LRRCC1: variants seen among roughly 807,000 people sequenced by gnomAD.
LRRCC1 encodes the protein leucine-rich repeat and coiled-coil domain-containing protein 1.
A neutral mutation model predicts 126.0 loss-of-function variants in LRRCC1; 115 were observed. The ratio of observed to expected loss-of-function variants is 0.91; its 90% CI spans 0.78 to 1.07. LRRCC1 has a LOEUF of 1.07. Ranked by LOEUF, LRRCC1 falls within the 50% of genes least tolerant of loss-of-function variation. LRRCC1 has a pLI of 0.00. For synonymous variants in LRRCC1, 400 were observed against 393.4 expected, an observed-to-expected ratio of 1.02 and a Z score of -0.20; for missense variants, 1,172 against 1,175.7, an observed-to-expected ratio of 1.00 and a Z score of 0.05.
chr8:85,143,524 G>C (rs749687188), intron 18 of LRRCC1, among the ~76,000 whole-genome samples: 4 of 151,648 alleles, frequency 2.6e-5, no homozygotes, highest in Non-Finnish European at 4.4e-5. Flanking sequence ...CTGTAGACCT[G>C]TCTCCTCAGG....
rs372145100 is a variant in LRRCC1 at position 85,123,562 on chromosome 8, T to C, written c.1080T>C (p.Ile360=). The change falls in exon 7 of 19, where the codon ATT becomes ATC. Residue 360 remains isoleucine (I), a synonymous_variant. Transcript: ENST00000360375. ...RSKIPYDAKT[I]QTIKHHNKNY... Reference sequence around the variant, plus strand: ...AAATCCCTTATGATGCCAAAACCATTCAAACTATTAAGCACCACAATAAAA... The same window carrying C: ...AAATCCCTTATGATGCCAAAACCATCCAAACTATTAAGCACCACAATAAAA... 2.9e-4 allele frequency: 459 copies of C among 1,602,432 alleles called. 6 individuals are homozygous for C. In the South Asian group the frequency reaches 4.9e-3, roughly 17 times the overall value.
At chr8:85,110,275 T>C in intron 3 of LRRCC1, 95 bp downstream of exon 3, 1 of 526,780 alleles carries the variant, frequency 1.9e-6, no homozygotes, top group Non-Finnish European at 3.3e-6. Flanking sequence ...TCTCTGAATA[T>C]TAATCTAATT....
intron 14 of LRRCC1, among the ~76,000 whole-genome samples, chr8:85,136,517 C>A (rs1355426920): frequency 6.6e-6 from 1 of 151,542 alleles, no homozygotes; most frequent in Non-Finnish European, 1.5e-5. Context: ...TCAGGTGATC[C>A]GCCCACCTTG....
intron 8 of LRRCC1, among the ~76,000 whole-genome samples, chr8:85,125,933 C>T (rs547126435): frequency 6.6e-6 from 1 of 152,234 alleles, no homozygotes; most frequent in East Asian, 1.9e-4. Flanking sequence ...GGACACACTT[C>T]ATCTTTCTTC....
intron 1 of LRRCC1, 100 bp downstream of exon 1, chr8:85,107,499 T>C: frequency 2.9e-6 from 3 of 1,026,026 alleles, no homozygotes; most frequent in Non-Finnish European, 4.3e-6. Context: ...GGCACTGCTT[T>C]ACCAAGACCA....
intron 6 of LRRCC1, among the ~76,000 whole-genome samples, chr8:85,116,522 G>A (rs1809139514): frequency 1.3e-5 from 2 of 151,988 alleles, no homozygotes; most frequent in African/African-American, 4.8e-5. Flanking sequence ...ACAGGCACAT[G>A]CCACTGTGCC....
chr8:85,129,998 G>A lies in LRRCC1; in HGVS notation c.1706G>A (p.Arg569Gln), dbSNP rs369833810. 16 of 1,601,208 alleles carry A rather than the reference G, an allele frequency of 1.0e-5. No homozygotes were observed. Among genetic ancestry groups the A allele is most frequent in the Middle Eastern group, 1.7e-4 (1 of 6,050 alleles). The change falls in exon 11 of 19, where the codon CGA (arginine) becomes CAA (glutamine). Residue 569 changes from arginine to glutamine, a missense_variant. Physicochemically the swap from Arg to Gln is conservative, Grantham distance 43. Coordinates refer to ENST00000360375, the MANE Select transcript of LRRCC1 (RefSeq NM_033402.5). ...TACTTACTTAGAACTTCCCTTCATC[G>A]AGAAAGAGAACAAGCGCAACAACTT... ...EIYLLRTSLH[R>Q]EREQAQQLHQ...
chr8:85,123,636 C>A, intron 7 of LRRCC1, 30 bp downstream of exon 7: 3 of 1,473,656 alleles, frequency 2.0e-6, no homozygotes, highest in Non-Finnish European at 2.8e-6. Flanking sequence ...AAATTTAAGG[C>A]ACACAGAAGT....
chr8:85,135,016 C>G lies in LRRCC1; in HGVS notation c.2138C>G (p.Thr713Arg). 6.5e-7 allele frequency: 1 copy of G among 1,538,968 alleles called. No individual in the cohort carries two copies. The highest frequency in any genetic ancestry group is 8.7e-7 in the Non-Finnish European group (1 of 1,153,368). The change falls in exon 13 of 19, where the codon ACA becomes AGA. Residue 713 changes from threonine to arginine, a missense_variant. Coordinates refer to ENST00000360375, the MANE Select transcript of LRRCC1 (RefSeq NM_033402.5). ...GAAGTTTCTAAATTGAAACAAGAAA[C>G]AGCAGCAAATTTACAGGTAAGACTT... Reference protein sequence around the residue: ...LAEVSKLKQETAANLQNQINT... With the variant: ...LAEVSKLKQERAANLQNQINT...
chr8:85,124,941 T>A lies in LRRCC1; in HGVS notation c.1272+2T>A, dbSNP rs1809855969. On this transcript the variant is annotated splice_donor_variant, in intron 8 of 18. Coordinates refer to ENST00000360375, the MANE Select transcript of LRRCC1 (RefSeq NM_033402.5). LOFTEE classifies it high-confidence loss of function. ...CACTCAGAAGACAACACTTACCAGG[T>A]ATGATTTAAGAGTTAAAGAAAAAAT... is the stretch of plus-strand genomic sequence containing the variant. The A allele has an allele frequency of 3.2e-6, 5 of 1,579,636 alleles. No homozygotes were observed. Among genetic ancestry groups the A allele is most frequent in the Non-Finnish European group, 3.4e-6 (4 of 1,166,964 alleles).
In LRRCC1 at chr8:85,138,358, A is replaced by G. The variant is rs1811020701; in HGVS notation, c.2723A>G (p.His908Arg). 5.6e-6 allele frequency: 9 copies of G among 1,606,888 alleles called. No individual in the cohort carries two copies. Among genetic ancestry groups the G allele is most frequent in the African/African-American group, 1.3e-5 (1 of 74,428 alleles). Residue 908 changes from histidine (H) to arginine (R), a missense_variant, in exon 17 of 19, where the codon CAT (histidine) becomes CGT (arginine). Transcript: ENST00000360375. The part of the protein sequence containing the change: ...KAYSTLNRKW[H>R]DKGELLCHLE... ...ATTAGTACACTGAATCGGAAGTGGCATGATAAAGGAGAACTTCTATGTCAT... is the reference window on the plus strand; with the variant it reads ...ATTAGTACACTGAATCGGAAGTGGCGTGATAAAGGAGAACTTCTATGTCAT...
rs777132495 is a variant in LRRCC1 at position 85,138,137 on chromosome 8, G to T, written c.2596G>T (p.Asp866Tyr). 6.2e-7 allele frequency: 1 copy of T among 1,609,500 alleles called. No homozygotes were observed. The highest frequency in any genetic ancestry group is 1.1e-5 in the South Asian group (1 of 90,430). Residue 866 changes from aspartate to tyrosine, a missense_variant, in exon 16 of 19, where the codon GAT becomes TAT. Coordinates refer to ENST00000360375, the MANE Select transcript of LRRCC1 (RefSeq NM_033402.5). Reference sequence around the variant, plus strand: ...ACTTGATGAAAAATCTTCACAACTGGATGAGGTACTTGAGAAGTTGGAAAG... The same window carrying T: ...ACTTGATGAAAAATCTTCACAACTGTATGAGGTACTTGAGAAGTTGGAAAG... ...EQLDEKSSQLDEVLEKLERHN... is the reference protein window; with the variant it reads ...EQLDEKSSQLYEVLEKLERHN...
chr8:85,139,084 G>GT (rs1811072195), intron 17 of LRRCC1, among the ~76,000 whole-genome samples: 1 of 152,014 alleles, frequency 6.6e-6, no homozygotes, highest in East Asian at 1.9e-4. Context: ...TGAACATTTT[G>GT]TTTTTATTAC....
chr8:85,115,100 G>A lies in LRRCC1; in HGVS notation c.545G>A (p.Gly182Glu). 4 of 1,553,990 alleles carry A rather than the reference G, an allele frequency of 2.6e-6. No homozygotes were observed. Among genetic ancestry groups the A allele is most frequent in the Non-Finnish European group, 2.6e-6 (3 of 1,153,440 alleles). ...GDDNPVCRLP[G>E]YRAVILQTLP... ...TCATTTTGAATGATTTGTTTCCAAG[G>A]GTACAGAGCAGTTATTCTCCAGACT... The change falls in exon 5 of 19, where the codon GGG becomes GAG. Residue 182 changes from glycine (G) to glutamate (E), a missense_variant and splice_region_variant. Physicochemically the swap from Gly to Glu is moderately conservative, Grantham distance 98. Transcript: ENST00000360375.
intron 6 of LRRCC1, among the ~76,000 whole-genome samples, chr8:85,123,092 A>G (rs929888055): frequency 1.4e-4 from 21 of 151,946 alleles, no homozygotes; most frequent in African/African-American, 5.1e-4. Flanking sequence ...AAACAGAAAC[A>G]CTCTCATTCT....
chr8:85,107,605 T>C, intron 1 of LRRCC1: 1 of 463,506 alleles, frequency 2.2e-6, no homozygotes, highest in Non-Finnish European at 3.8e-6. Context: ...TTCCCGCCCG[T>C]GTCTCCTGCC....
intron 2 of LRRCC1, 26 bp downstream of exon 2, chr8:85,109,826 C>T: frequency 8.0e-7 from 1 of 1,254,530 alleles, no homozygotes. Context: ...TCATTTAACA[C>T]TTAGCGTAAG....
Position 85,135,033 on chromosome 8 carries a change from G to T in LRRCC1, c.2154+1G>T. ...ACAAGAAACAGCAGCAAATTTACAGGTAAGACTTTGCAACATTATATGTTT... is the reference window on the plus strand; with the variant it reads ...ACAAGAAACAGCAGCAAATTTACAGTTAAGACTTTGCAACATTATATGTTT... On this transcript the variant is annotated splice_donor_variant, in intron 13 of 18. Coordinates refer to ENST00000360375, the MANE Select transcript of LRRCC1 (RefSeq NM_033402.5). LOFTEE classifies it high-confidence loss of function. 6.6e-7 allele frequency: 1 copy of T among 1,513,468 alleles called. No homozygotes were observed. The highest frequency in any genetic ancestry group is 8.8e-7 in the Non-Finnish European group (1 of 1,139,530). 93.8% of individuals were successfully genotyped at this position (1,513,468 alleles called of 1,614,324 possible). A position where few individuals can be genotyped will look rare whatever the true frequency, so the allele number is the denominator to read the frequency against.
intron 17 of LRRCC1, among the ~76,000 whole-genome samples, chr8:85,140,559 T>G (rs1444398549): frequency 6.6e-6 from 1 of 152,250 alleles, no homozygotes; most frequent in East Asian, 1.9e-4. Flanking sequence ...TGTATTTATA[T>G]AAAGGAATTG....
Sources: allele counts gnomAD v4.1 joint callset (sites outside exome capture counted in the v4.1 genomes callset), GRCh38; gene constraint gnomAD v4.1.1; transcripts MANE v1.5; gene names NCBI Gene and HGNC (gene_info 2026-07-23, HGNC 2026-07-21).